BICD1: variants seen among roughly 807,000 people sequenced by gnomAD.
BICD1 encodes protein bicaudal D homolog 1.
In BICD1, 35 loss-of-function variants were observed where a neutral mutation model predicts 92.5. That is an observed-to-expected ratio of 0.38 (90% confidence interval 0.29 to 0.50). BICD1 has a LOEUF of 0.50. Ranked by LOEUF, BICD1 falls within the 20% of genes least tolerant of loss-of-function variation. The pLI is 0.93. For synonymous variants in BICD1, 429 were observed against 465.1 expected (o/e 0.92, Z 1.00); for missense variants, 950 against 1,189.8 (o/e 0.80, Z 2.97).
At chr12:32,376,183 A>C (rs900538401) in intron 9 of BICD1, among the ~76,000 whole-genome samples, 8 of 150,156 alleles carry the variant, frequency 5.3e-5, no homozygotes, top group African/African-American at 1.7e-4. Flanking sequence ...TCCCATGTTC[A>C]AGTGATTCTC....
intron 2 of BICD1, among the ~76,000 whole-genome samples, chr12:32,243,439 C>G (rs1361279856): frequency 6.6e-6 from 1 of 151,068 alleles, no homozygotes; most frequent in Non-Finnish European, 1.5e-5. Flanking sequence ...GGATAGCATT[C>G]CAGAAATATA....
chr12:32,377,498 T>G (rs1208515801), intron 9 of BICD1, 42 bp from the exon 10 acceptor site: 14 of 1,534,594 alleles, frequency 9.1e-6, no homozygotes, highest in African/African-American at 2.7e-5. Context: ...CCTGGCCCTT[T>G]GAAATGTGTT....
intron 1 of BICD1, among the ~76,000 whole-genome samples, chr12:32,174,851 A>T (rs549712711): frequency 6.6e-6 from 1 of 152,334 alleles, no homozygotes; most frequent in East Asian, 1.9e-4. Flanking sequence ...TTGGCAGTCT[A>T]ATTGGAGTGA....
intron 1 of BICD1, among the ~76,000 whole-genome samples, chr12:32,119,618 T>C (rs922790626): frequency 6.6e-6 from 1 of 152,174 alleles, no homozygotes; most frequent in African/African-American, 2.4e-5. Flanking sequence ...ATGCCTGTAA[T>C]GCCAGCACTT....
At chr12:32,111,160 CTA>C (rs1941676958) in intron 1 of BICD1, among the ~76,000 whole-genome samples, 1 of 152,176 alleles carries the variant, frequency 6.6e-6, no homozygotes, top group Non-Finnish European at 1.5e-5. Flanking sequence ...ATACCGTAAA[CTA>C]TGCACTAATG....
At chr12:32,228,674 C>G (rs1945780393) in intron 2 of BICD1, among the ~76,000 whole-genome samples, 1 of 152,008 alleles carries the variant, frequency 6.6e-6, no homozygotes. Context: ...TTGAGAGTAG[C>G]CCCAATGGGA....
rs1303760033 is a variant in BICD1, at chr12:32,383,555, C to T, written c.*5928C>T. 2.0e-5 allele frequency: 3 copies of T among 152,090 alleles called. No homozygotes were observed. Among genetic ancestry groups the T allele is most frequent in the African/African-American group, 4.8e-5 (2 of 41,414 alleles). The allele number at this position is 152,090 out of a possible 1,614,324, so 9.4% of individuals were successfully genotyped here. On this transcript the variant is annotated 3_prime_UTR_variant, in exon 10 of 10. Transcript: ENST00000652176. Reference sequence around the variant, plus strand: ...AGCCAATATATCGATTCTTATATCTCGGTTTATGTTACCAACTGAATATGG... The same window carrying T: ...AGCCAATATATCGATTCTTATATCTTGGTTTATGTTACCAACTGAATATGG...
intron 1 of BICD1, among the ~76,000 whole-genome samples, chr12:32,120,867 T>TAGAGAG (rs144690164): frequency 6.0e-5 from 5 of 83,450 alleles, no homozygotes; most frequent in East Asian, 2.8e-4. Context: ...AATCAACCAT[T>TAGAGAG]AGAGAGAGAG....
intron 1 of BICD1, among the ~76,000 whole-genome samples, chr12:32,129,481 C>T (rs1329492679): frequency 2.8e-5 from 4 of 141,416 alleles, no homozygotes; most frequent in Non-Finnish European, 4.5e-5. Flanking sequence ...GCTGAGATGG[C>T]GCAACTATAC....
intron 1 of BICD1, among the ~76,000 whole-genome samples, chr12:32,211,261 T>A (rs1945205376): frequency 6.6e-6 from 1 of 152,180 alleles, no homozygotes; most frequent in Non-Finnish European, 1.5e-5. Flanking sequence ...ACTTTCATTG[T>A]TTTTCAAATC....
At chr12:32,120,002 T>C (rs764764917) in intron 1 of BICD1, among the ~76,000 whole-genome samples, 8 of 152,228 alleles carry the variant, frequency 5.3e-5, no homozygotes, top group Non-Finnish European at 1.2e-4. Flanking sequence ...ACAGAAAATA[T>C]CAAAAACTTA....
intron 1 of BICD1, among the ~76,000 whole-genome samples, chr12:32,130,002 A>C (rs1357992246): frequency 6.6e-6 from 1 of 152,198 alleles, no homozygotes; most frequent in Non-Finnish European, 1.5e-5. Flanking sequence ...TTATTCCTAA[A>C]ATATAGGTAC....
intron 8 of BICD1, chr12:32,352,285 C>T (rs955085320): frequency 6.6e-6 from 1 of 151,756 alleles, no homozygotes; most frequent in Non-Finnish European, 1.5e-5. Context: ...GTAATCCCAG[C>T]ACTTTGGGAG....
intron 1 of BICD1, among the ~76,000 whole-genome samples, chr12:32,187,587 G>A (rs1400096282): frequency 6.6e-6 from 1 of 152,042 alleles, no homozygotes; most frequent in East Asian, 1.9e-4. Context: ...CATGAAAATC[G>A]CTTGAACCTG....
At chr12:32,264,642 C>T (rs911209906) in intron 2 of BICD1, among the ~76,000 whole-genome samples, 1 of 152,092 alleles carries the variant, frequency 6.6e-6, no homozygotes, top group Non-Finnish European at 1.5e-5. Flanking sequence ...CACGTGCCAC[C>T]ACACCCTCCT....
intron 4 of BICD1, among the ~76,000 whole-genome samples, chr12:32,320,081 C>G (rs918972682): frequency 6.6e-6 from 1 of 152,126 alleles, no homozygotes; most frequent in Non-Finnish European, 1.5e-5. Flanking sequence ...TGTTGGGGCA[C>G]AGATATGCAT....
At chr12:32,244,239 A>G (rs1946313685) in intron 2 of BICD1, among the ~76,000 whole-genome samples, 1 of 152,172 alleles carries the variant, frequency 6.6e-6, no homozygotes, top group Non-Finnish European at 1.5e-5. Flanking sequence ...GTTCCAATCT[A>G]GTTTTTTGTC....
intron 2 of BICD1, among the ~76,000 whole-genome samples, chr12:32,255,183 A>G (rs750547063): frequency 1.4e-4 from 21 of 152,164 alleles, no homozygotes; most frequent in Non-Finnish European, 2.8e-4. Flanking sequence ...AGAAAGAGAC[A>G]ACAAGACAGA....
intron 2 of BICD1, among the ~76,000 whole-genome samples, chr12:32,288,524 A>G (rs1947641080): frequency 6.6e-6 from 1 of 152,006 alleles, no homozygotes; most frequent in Non-Finnish European, 1.5e-5. Context: ...TGTGGGGTTT[A>G]CAGGCATGAA....
Sources: allele counts gnomAD v4.1 joint callset (sites outside exome capture counted in the v4.1 genomes callset), GRCh38; gene constraint gnomAD v4.1.1; transcripts MANE v1.5; gene names NCBI Gene and HGNC (gene_info 2026-07-23, HGNC 2026-07-21).